MAPK14: variants seen among roughly 807,000 people sequenced by gnomAD.
MAPK14 encodes CSAID-binding protein.
Under a neutral mutation model 49.6 loss-of-function variants are expected in MAPK14, and 16 were observed. That is an observed-to-expected ratio of 0.32 (90% CI 0.22 to 0.49). The LOEUF (loss-of-function observed/expected upper bound fraction) is 0.49. Ranked by LOEUF, MAPK14 falls within the 20% of genes least tolerant of loss-of-function variation. The pLI is 0.99. For missense variants in MAPK14, 200 were observed against 441.2 expected (o/e 0.45, Z 4.90); for synonymous variants, 142 against 158.0 (o/e 0.90, Z 0.76).
intron 1 of MAPK14, among the ~76,000 whole-genome samples, chr6:36,030,245 T>C (rs17713888): frequency 2.2e-4 from 34 of 152,226 alleles, no homozygotes; most frequent in Non-Finnish European, 4.3e-4. Context: ...TACAGTGAAG[T>C]ACCATTAAAA....
intron 6 of MAPK14, among the ~76,000 whole-genome samples, chr6:36,074,370 A>T (rs985359984): frequency 6.6e-6 from 1 of 152,226 alleles, no homozygotes; most frequent in Non-Finnish European, 1.5e-5. Context: ...TCAAGTAAGT[A>T]GGCCCAAAGA....
chr6:36,064,314 A>G lies in MAPK14; in HGVS notation c.305+4967A>G, dbSNP rs143404407. Among the ~76,000 whole-genome samples the G allele has an allele frequency of 1.2e-4, 15 of 126,450 alleles. No individual in the cohort carries two copies. The East Asian group carries it at 3.8e-3, about 32-fold the overall frequency. 83.0% of individuals were successfully genotyped at this position (126,450 alleles called of 152,430 possible). Reference sequence around the variant, plus strand: ...TCTTAACTGTAGTGGTTCTTTGCGCAAGCATAGTAGACAAGAATTTTTTGA... The same window carrying G: ...TCTTAACTGTAGTGGTTCTTTGCGCGAGCATAGTAGACAAGAATTTTTTGA... On this transcript the variant is annotated intron_variant, in intron 3 of 11. Coordinates refer to ENST00000229794, the MANE Select transcript of MAPK14 (RefSeq NM_139012.3).
intron 1 of MAPK14, among the ~76,000 whole-genome samples, chr6:36,036,382 G>A (rs1243667865): frequency 2.6e-5 from 4 of 152,110 alleles, no homozygotes; most frequent in Admixed American, 2.6e-4. Flanking sequence ...TGACAACAAA[G>A]GGTTTAGAAT....
intron 1 of MAPK14, among the ~76,000 whole-genome samples, chr6:36,042,981 A>C (rs1763023974): frequency 1.3e-5 from 2 of 151,966 alleles, no homozygotes; most frequent in South Asian, 4.1e-4. Context: ...AAAATTAGCC[A>C]GGCGTCGTGG....
intron 9 of MAPK14, chr6:36,096,882 A>G (rs1329617782): frequency 6.6e-6 from 1 of 152,256 alleles, no homozygotes; most frequent in Non-Finnish European, 1.5e-5. Flanking sequence ...GGCCAGAGGC[A>G]TGAGAGAAGC....
intron 1 of MAPK14, among the ~76,000 whole-genome samples, chr6:36,048,421 C>T (rs1763270092): frequency 6.6e-6 from 1 of 152,238 alleles, no homozygotes; most frequent in Admixed American, 6.5e-5. Flanking sequence ...AAGCAATCCT[C>T]CTGCCCTGGC....
intron 6 of MAPK14, among the ~76,000 whole-genome samples, chr6:36,075,550 T>C (rs375189258): frequency 2.5e-3 from 375 of 152,348 alleles, no homozygotes; most frequent in African/African-American, 8.1e-3. Context: ...TTTGAGGCTG[T>C]GTAAAGCAAC....
At chr6:36,106,811 A>G (rs562700315) in intron 10 of MAPK14, among the ~76,000 whole-genome samples, 80 of 152,170 alleles carry the variant, frequency 5.3e-4, no homozygotes, top group African/African-American at 1.9e-3. Context: ...TTTTAATACC[A>G]TGTCTCACCC....
Position 36,088,842 on chromosome 6 carries a change from GA to G in MAPK14, c.683-7141del, listed in dbSNP as rs1436741180. Among the ~76,000 whole-genome samples the G allele has an allele frequency of 3.9e-5, 6 of 152,178 alleles. No individual in the cohort carries two copies. The East Asian group carries it at 1.2e-3, about 29-fold the overall frequency. On this transcript the variant is annotated intron_variant, in intron 8 of 11. Coordinates refer to ENST00000229794, the MANE Select transcript of MAPK14 (RefSeq NM_139012.3). ...CACTGACCATTAGAGAAATGCAAAT[GA>G]AAACCACAATGAGATACTGTCTCAT...
intron 3 of MAPK14, 92 bp from the exon 4 acceptor site, chr6:36,072,781 C>A: frequency 7.1e-6 from 5 of 699,826 alleles, no homozygotes; most frequent in Admixed American, 5.9e-5. Flanking sequence ...AAAACAAAAA[C>A]CAAAAAAACC....
intron 1 of MAPK14, chr6:36,029,073 C>T (rs1487240553): frequency 6.6e-6 from 1 of 151,776 alleles, no homozygotes; most frequent in African/African-American, 2.4e-5. Context: ...AAGTATTGTT[C>T]GACAAAACAA....
the MAPK14 span, among the ~76,000 whole-genome samples, chr6:36,118,497 TCCACCTCCCTG>T: frequency 6.8e-6 from 1 of 146,872 alleles, no homozygotes; most frequent in Non-Finnish European, 1.5e-5. Context: ...GCACCTTTGA[TCCACCTCCCTG>T]GCACTCAACT....
At chr6:36,034,603 T>G (rs924947397) in intron 1 of MAPK14, among the ~76,000 whole-genome samples, 1 of 152,178 alleles carries the variant, frequency 6.6e-6, no homozygotes, top group African/African-American at 2.4e-5. Context: ...GCTATGGAAG[T>G]CATGCAGCTG....
At chr6:36,096,416 C>A in intron 9 of MAPK14, 1 of 200,952 alleles carries the variant, frequency 5.0e-6, no homozygotes, top group Non-Finnish European at 1.0e-5. Context: ...TTTCTTCTTT[C>A]TCAGAAGTTT....
chr6:36,117,300 C>T, the MAPK14 span, among the ~76,000 whole-genome samples: 20 of 152,336 alleles, frequency 1.3e-4, no homozygotes, highest in African/African-American at 4.8e-4. Flanking sequence ...AGCATGCTTC[C>T]CTCTGGCTCT....
At chr6:36,083,593 C>T (rs1764853396) in intron 8 of MAPK14, among the ~76,000 whole-genome samples, 1 of 152,196 alleles carries the variant, frequency 6.6e-6, no homozygotes, top group South Asian at 2.1e-4. Flanking sequence ...CACATCATGG[C>T]CAGACTGACT....
chr6:36,036,066 A>G (rs1484105353), intron 1 of MAPK14, among the ~76,000 whole-genome samples: 4 of 152,108 alleles, frequency 2.6e-5, no homozygotes, highest in Non-Finnish European at 5.9e-5. Flanking sequence ...TCTAGAAAAA[A>G]TACAAAAATT....
At chr6:36,090,308 T>TC (rs1329122924) in intron 8 of MAPK14, among the ~76,000 whole-genome samples, 2 of 151,932 alleles carry the variant, frequency 1.3e-5, no homozygotes, top group Non-Finnish European at 2.9e-5. Flanking sequence ...TCACTTTCAG[T>TC]CATTGGTTTC....
At chr6:36,122,483 C>T in the MAPK14 span, among the ~76,000 whole-genome samples, 1 of 152,240 alleles carries the variant, frequency 6.6e-6, no homozygotes, top group Non-Finnish European at 1.5e-5. Flanking sequence ...ACATCCCTGC[C>T]ATTCGGCCAG....
Sources: gnomAD v4.1 joint callset for allele counts (sites outside exome capture counted in the v4.1 genomes callset) on GRCh38, gnomAD v4.1.1 for gene constraint, MANE v1.5 for transcripts, NCBI Gene and HGNC (gene_info 2026-07-23, HGNC 2026-07-21) for gene names.